PLCXD3: variants seen among roughly 807,000 people sequenced by gnomAD.
The protein encoded by PLCXD3 is PI-PLC X domain-containing protein 3.
In PLCXD3, 19 loss-of-function variants were observed where a neutral mutation model predicts 25.5. The ratio of observed to expected loss-of-function variants is 0.75; its 90% CI spans 0.52 to 1.09. The LOEUF (loss-of-function observed/expected upper bound fraction) is 1.09, where lower values mean the gene tolerates loss of function less well. Among genes scored for constraint, PLCXD3 ranks in the 50% least tolerant of loss-of-function variants. PLCXD3 has a pLI of 0.00. For missense variants in PLCXD3, 411 were observed against 388.1 expected (o/e 1.06, Z -0.50); for synonymous variants, 174 against 137.6 (o/e 1.26, Z -1.85).
intron 2 of PLCXD3, among the ~76,000 whole-genome samples, chr5:41,328,766 A>G (rs1487043957): frequency 6.6e-6 from 1 of 152,216 alleles, no homozygotes; most frequent in Admixed American, 6.5e-5. Context: ...GTCTTCTCAT[A>G]TGCTGACATT....
intron 2 of PLCXD3, among the ~76,000 whole-genome samples, chr5:41,373,594 C>T (rs976201331): frequency 6.6e-6 from 1 of 152,120 alleles, no homozygotes. Flanking sequence ...AGCCCGCAGG[C>T]CGCAATCCTT....
intron 1 of PLCXD3, among the ~76,000 whole-genome samples, chr5:41,411,642 C>T (rs557489380): frequency 1.3e-5 from 2 of 152,144 alleles, no homozygotes; most frequent in African/African-American, 4.8e-5. Context: ...ATAGTATCAC[C>T]TTCATGCTAC....
chr5:41,410,690 A>G (rs376170138), intron 1 of PLCXD3, among the ~76,000 whole-genome samples: 6 of 152,172 alleles, frequency 3.9e-5, no homozygotes, highest in South Asian at 2.1e-4. Context: ...CAGCAGTTTT[A>G]TCCTTGTGAC....
intron 1 of PLCXD3, among the ~76,000 whole-genome samples, chr5:41,397,325 C>T (rs546246381): frequency 1.3e-5 from 2 of 152,258 alleles, no homozygotes; most frequent in South Asian, 4.1e-4. Flanking sequence ...TACAAGGGGC[C>T]TAGGTACAGC....
At position 41,353,500 on chromosome 5, in the gene PLCXD3, A is replaced by G. The variant is rs1278839961; in HGVS notation, c.812+28326T>C. Among the ~76,000 whole-genome samples the G allele has an allele frequency of 3.3e-5, 5 of 152,236 alleles. No individual in the cohort carries two copies. The East Asian group carries it at 9.6e-4, about 29-fold the overall frequency. ...ATTTCCTGGGATATGGTCTGAGGTC[A>G]GTAAACACCTTGTATGTATGTAGGC... On this transcript the variant is annotated intron_variant, in intron 2 of 2. Transcript: ENST00000377801.
intron 2 of PLCXD3, among the ~76,000 whole-genome samples, chr5:41,316,550 A>G (rs1272217387): frequency 2.0e-5 from 3 of 152,168 alleles, no homozygotes; most frequent in African/African-American, 7.2e-5. Context: ...CACCAAGCAG[A>G]CTCTTAGAGT....
At chr5:41,362,313 G>C (rs1253427652) in intron 2 of PLCXD3, among the ~76,000 whole-genome samples, 2 of 152,086 alleles carry the variant, frequency 1.3e-5, no homozygotes, top group African/African-American at 2.4e-5. Context: ...TGTGTAGGGG[G>C]TGAAAAAAAG....
chr5:41,340,659 C>T (rs1214747242), intron 2 of PLCXD3, among the ~76,000 whole-genome samples: 2 of 152,136 alleles, frequency 1.3e-5, no homozygotes, highest in African/African-American at 4.8e-5. Context: ...AGGAAAGAGT[C>T]TTCTCCAAAG....
chr5:41,416,421 G>A (rs1373237435), intron 1 of PLCXD3, among the ~76,000 whole-genome samples: 2 of 152,222 alleles, frequency 1.3e-5, no homozygotes, highest in Admixed American at 6.5e-5. Context: ...GAAGGTCTGT[G>A]TACCTAATGT....
rs553973269 is a variant in PLCXD3 at position 41,323,955 on chromosome 5, G to A, written c.813-10185C>T. Among the ~76,000 whole-genome samples, 70 of 152,242 alleles carry A rather than the reference G, an allele frequency of 4.6e-4. 1 individual carries two copies. The highest frequency in any genetic ancestry group is 4.2e-4 in the South Asian group (2 of 4,816). On this transcript the variant is annotated intron_variant, in intron 2 of 2. Transcript: ENST00000377801. Reference sequence around the variant, plus strand: ...ATTTTGAGGTGACTTTGGAACACATGAGTTGAGATCTCAAGTGGCAGGTAA... The same window carrying A: ...ATTTTGAGGTGACTTTGGAACACATAAGTTGAGATCTCAAGTGGCAGGTAA...
At chr5:41,465,373 T>TTTTTTTTTTTTTC in intron 1 of PLCXD3, among the ~76,000 whole-genome samples, 1 of 140,754 alleles carries the variant, frequency 7.1e-6, no homozygotes, top group Non-Finnish European at 1.5e-5. Flanking sequence ...TTTTTTTTTT[T>TTTTTTTTTTTTTC]TTTTTTTTTT....
intron 1 of PLCXD3, among the ~76,000 whole-genome samples, chr5:41,425,310 T>C (rs1472658307): frequency 2.0e-5 from 3 of 152,098 alleles, no homozygotes; most frequent in African/African-American, 7.2e-5. Context: ...TTTTTTTTTC[T>C]TTCTGGAATA....
intron 1 of PLCXD3, among the ~76,000 whole-genome samples, chr5:41,480,909 C>A (rs1230892219): frequency 6.6e-6 from 1 of 151,662 alleles, no homozygotes; most frequent in Non-Finnish European, 1.5e-5. Context: ...GACTCCATCT[C>A]AAAATAAATA....
intron 1 of PLCXD3, among the ~76,000 whole-genome samples, chr5:41,471,984 TCCC>T (rs1748177902): frequency 8.6e-6 from 1 of 115,922 alleles, no homozygotes; most frequent in South Asian, 3.6e-4. Context: ...CCTCCCTCCC[TCCC>T]TTCCTCCCTC....
chr5:41,309,550 T>C lies in PLCXD3; in HGVS notation c.*4067A>G, dbSNP rs1177744436. On this transcript the variant is annotated 3_prime_UTR_variant, in exon 3 of 3. Coordinates refer to ENST00000377801, the MANE Select transcript of PLCXD3 (RefSeq NM_001005473.3). ...GACCAAAGATTAAAAGATTGTGTCG[T>C]TGGATCTGTAAAACTGTGAAACTAA... 2 of 152,302 alleles carry C rather than the reference T, an allele frequency of 1.3e-5. No individual in the cohort carries two copies. The highest frequency in any genetic ancestry group is 2.9e-5 in the Non-Finnish European group (2 of 68,012). 9.4% of individuals were successfully genotyped at this position (152,302 alleles called of 1,614,324 possible).
chr5:41,381,907 A>AT lies in PLCXD3; in HGVS notation c.730dup (p.Ile244AsnfsTer11). The AT allele has an allele frequency of 1.9e-6, 3 of 1,613,344 alleles. No homozygotes were observed. The highest frequency in any genetic ancestry group is 2.5e-6 in the Non-Finnish European group (3 of 1,179,668). ...TTTGGGGGTCAGCACCACCTGAGATATAAAAAACGATCCCTTCTTTCTTCT... is the reference window on the plus strand; with the variant it reads ...TTTGGGGGTCAGCACCACCTGAGATATTAAAAAACGATCCCTTCTTTCTTCT... On this transcript the variant is annotated frameshift_variant, in exon 2 of 3. Coordinates refer to ENST00000377801, the MANE Select transcript of PLCXD3 (RefSeq NM_001005473.3). LOFTEE classifies it high-confidence loss of function.
intron 2 of PLCXD3, among the ~76,000 whole-genome samples, chr5:41,367,763 A>G (rs1744978505): frequency 6.6e-6 from 1 of 151,992 alleles, no homozygotes. Context: ...TAGGGTTTTT[A>G]TAGTTTTGGG....
At chr5:41,345,096 G>A (rs1002622412) in intron 2 of PLCXD3, among the ~76,000 whole-genome samples, 2 of 152,176 alleles carry the variant, frequency 1.3e-5, no homozygotes, top group Non-Finnish European at 2.9e-5. Flanking sequence ...ATATTGATTT[G>A]AGTATTTTCT....
intron 1 of PLCXD3, among the ~76,000 whole-genome samples, chr5:41,508,402 T>C (rs2111601501): frequency 6.6e-6 from 1 of 152,316 alleles, no homozygotes; most frequent in South Asian, 2.1e-4. Context: ...ATTCATAGGG[T>C]ATCTTCCCAA....
Sources: allele counts gnomAD v4.1 joint callset (sites outside exome capture counted in the v4.1 genomes callset), GRCh38; gene constraint gnomAD v4.1.1; transcripts MANE v1.5; gene names NCBI Gene and HGNC (gene_info 2026-07-23, HGNC 2026-07-21).